Variants in MYPN observed in about 807,000 individuals in gnomAD.
The protein encoded by MYPN is sarcomeric protein myopalladin, 145 kDa (MYOP).
Under a neutral mutation model 129.4 loss-of-function variants are expected in MYPN, and 63 were observed. The observed-to-expected ratio is 0.49, with a 90% CI of 0.40 to 0.60. The LOEUF (loss-of-function observed/expected upper bound fraction) is 0.60, where lower values mean the gene tolerates loss of function less well. Among genes scored for constraint, MYPN ranks in the 20% least tolerant of loss-of-function variants. MYPN has a pLI of 0.00. For missense variants in MYPN, 1,596 were observed against 1,635.4 expected, an observed-to-expected ratio of 0.98 and a Z score of 0.42; for synonymous variants, 629 against 600.9, an observed-to-expected ratio of 1.05 and a Z score of -0.68.
intron 1 of MYPN, among the ~76,000 whole-genome samples, chr10:68,091,439 G>A (rs1306293407): frequency 9.3e-5 from 12 of 128,714 alleles, no homozygotes; most frequent in Non-Finnish European, 1.5e-4. Context: ...CTATTGCCCA[G>A]GCTGGAGTGT....
chr10:68,102,089 A>T (rs771636253), upstream of MYPN, among the ~76,000 whole-genome samples: 86 of 148,906 alleles, frequency 5.8e-4, no homozygotes, highest in Non-Finnish European at 1.1e-3. Context: ...TCTATCTCTT[A>T]AACAGCAATT....
chr10:68,089,730 T>G (rs1374004283), intron 1 of MYPN, among the ~76,000 whole-genome samples: 1 of 152,140 alleles, frequency 6.6e-6, no homozygotes, highest in Non-Finnish European at 1.5e-5. Context: ...CAACTGTTGA[T>G]TCACCCAAAA....
Position 68,136,836 on chromosome 10 carries a change from T to C in MYPN, c.903-6104T>C. ...GCTATTGATATTTGTTTTATCAAGT[T>C]AATAGAGTTACATTGCTTTAAAAGC... is the stretch of plus-strand genomic sequence containing the variant. On this transcript the variant is annotated intron_variant, in intron 2 of 19. Coordinates refer to ENST00000358913, the MANE Select transcript of MYPN (RefSeq NM_032578.4). 2.4e-6 allele frequency: 3 copies of C among 1,247,088 alleles called. No homozygotes were observed. In the Admixed American group the frequency reaches 6.4e-5, roughly 27 times the overall value. The allele number at this position is 1,247,088 out of a possible 1,614,324, so 77.3% of individuals were successfully genotyped here.
intron 1 of MYPN, among the ~76,000 whole-genome samples, chr10:68,096,236 T>A (rs1263014935): frequency 6.6e-6 from 1 of 152,226 alleles, no homozygotes; most frequent in Admixed American, 6.5e-5. Context: ...AGTATTGACT[T>A]GCCGTGTAAC....
In MYPN at chr10:68,109,808, C is replaced by G. The variant is rs980831481; in HGVS notation, c.-2+85C>G. 7 of 383,918 alleles carry G rather than the reference C, an allele frequency of 1.8e-5. No individual in the cohort carries two copies. In the Admixed American group the frequency reaches 2.2e-4, roughly 12 times the overall value. 23.8% of individuals were successfully genotyped at this position (383,918 alleles called of 1,614,324 possible). On this transcript the variant is annotated intron_variant, in intron 1 of 19. Transcript: ENST00000358913. ...AGCGAATATTTCAAAGAACTCATTA[C>G]TGTTACTTGAAATGAAACCTAGGAT...
At chr10:68,118,233 C>T (rs2042186272) in intron 1 of MYPN, among the ~76,000 whole-genome samples, 1 of 152,098 alleles carries the variant, frequency 6.6e-6, no homozygotes, top group Non-Finnish European at 1.5e-5. Context: ...TTTAACATCA[C>T]CTTCACCAAA....
At chr10:68,136,590 G>GC (rs2042490939) in intron 2 of MYPN, 2 of 1,498,412 alleles carry the variant, frequency 1.3e-6, no homozygotes, top group Non-Finnish European at 1.8e-6. Flanking sequence ...GTTACCGATT[G>GC]TTTTTTTAGG....
intron 2 of MYPN, among the ~76,000 whole-genome samples, chr10:68,133,008 T>C (rs989361387): frequency 4.0e-5 from 6 of 150,114 alleles, no homozygotes; most frequent in African/African-American, 1.5e-4. Context: ...TAGAATGCCA[T>C]GTGTAGACCT....
At chr10:68,203,130 G>A (rs975489311) in intron 18 of MYPN, among the ~76,000 whole-genome samples, 3 of 152,264 alleles carry the variant, frequency 2.0e-5, no homozygotes, top group South Asian at 2.1e-4. Flanking sequence ...GGACCAGCTC[G>A]GTTTAGTCAC....
chr10:68,210,645 G>T lies in MYPN; in HGVS notation c.*190G>T, dbSNP rs537970618. ...AGCTGAGGGAGAAAGGTAGGGCTGT[G>T]CCTTCTAAAGATTCCAACAGAGATG... On this transcript the variant is annotated 3_prime_UTR_variant, in exon 20 of 20. Coordinates refer to ENST00000358913, the MANE Select transcript of MYPN (RefSeq NM_032578.4). 18 of 706,586 alleles carry T rather than the reference G, an allele frequency of 2.5e-5. No individual in the cohort carries two copies. The African/African-American group carries it at 3.1e-4, about 12-fold the overall frequency. 43.8% of individuals were successfully genotyped at this position (706,586 alleles called of 1,614,324 possible).
At chr10:68,135,396 C>T (rs547495450) in intron 2 of MYPN, 3 of 797,920 alleles carry the variant, frequency 3.8e-6, no homozygotes, top group Non-Finnish European at 4.6e-6. Context: ...AATTGTGTCA[C>T]AAAATTCAAC....
At chr10:68,130,679 G>A (rs2042396486) in intron 2 of MYPN, among the ~76,000 whole-genome samples, 1 of 151,428 alleles carries the variant, frequency 6.6e-6, no homozygotes, top group Non-Finnish European at 1.5e-5. Flanking sequence ...TTTGTAGTTC[G>A]CATCTAGTTT....
At chr10:68,143,961 GC>G (rs1316843766) in intron 3 of MYPN, among the ~76,000 whole-genome samples, 2 of 152,096 alleles carry the variant, frequency 1.3e-5, no homozygotes, top group Non-Finnish European at 2.9e-5. Context: ...CACCATGTTG[GC>G]CAGGCTGTTC....
At chr10:68,089,372 C>T (rs1041766913) in intron 1 of MYPN, among the ~76,000 whole-genome samples, 3 of 151,836 alleles carry the variant, frequency 2.0e-5, no homozygotes, top group African/African-American at 4.8e-5. Context: ...TTTTGAGACT[C>T]GCTCTGTCGC....
chr10:68,153,661 G>T (rs921223528), intron 6 of MYPN, among the ~76,000 whole-genome samples: 5 of 152,196 alleles, frequency 3.3e-5, no homozygotes, highest in African/African-American at 1.2e-4. Flanking sequence ...GCAATGATGT[G>T]CTTGCGTTAG....
intron 19 of MYPN, among the ~76,000 whole-genome samples, chr10:68,210,038 C>G: frequency 6.6e-6 from 1 of 152,152 alleles, no homozygotes; most frequent in East Asian, 1.9e-4. Flanking sequence ...ATTCTAATCT[C>G]TTACTGAATT....
intron 8 of MYPN, among the ~76,000 whole-genome samples, chr10:68,162,762 C>G (rs2042998039): frequency 6.6e-6 from 1 of 152,032 alleles, no homozygotes; most frequent in African/African-American, 2.4e-5. Context: ...TCAAGACCAG[C>G]CTGGCCAACA....
chr10:68,171,223 A>C (rs536300474), intron 10 of MYPN, among the ~76,000 whole-genome samples: 1 of 152,052 alleles, frequency 6.6e-6, no homozygotes, highest in Admixed American at 6.5e-5. Context: ...CCTACCACCC[A>C]CCCGCTATAC....
At chr10:68,201,684 C>T (rs1219508574) in intron 17 of MYPN, 145 bp from the exon 18 acceptor site, 3 of 869,142 alleles carry the variant, frequency 3.5e-6, no homozygotes, top group East Asian at 2.7e-5. Context: ...AGGAGAATCA[C>T]CTGAACCTGG....
Sources: allele counts gnomAD v4.1 joint callset (sites outside exome capture counted in the v4.1 genomes callset), GRCh38; gene constraint gnomAD v4.1.1; transcripts MANE v1.5; gene names NCBI Gene and HGNC (gene_info 2026-07-23, HGNC 2026-07-21).